The following GRM7 variants were observed in gnomAD, a reference collection of about 807,000 sequenced individuals.
GRM7 encodes glutamate metabotropic receptor 7, also known as metabotropic glutamate receptor 7.
In GRM7, 35 loss-of-function variants were observed where a neutral mutation model predicts 84.5. The ratio of observed to expected loss-of-function variants is 0.41; its 90% CI spans 0.32 to 0.55. The LOEUF (loss-of-function observed/expected upper bound fraction) is 0.55. Ranked by LOEUF, GRM7 falls within the 20% of genes least tolerant of loss-of-function variation. GRM7 has a pLI of 0.19. For missense variants in GRM7, 1,003 were observed against 1,194.6 expected, an observed-to-expected ratio of 0.84 and a Z score of 2.36; for synonymous variants, 487 against 455.1, an observed-to-expected ratio of 1.07 and a Z score of -0.89.
intron 9 of GRM7, among the ~76,000 whole-genome samples, chr3:7,723,962 A>G (rs1250899450): frequency 6.6e-6 from 1 of 152,194 alleles, no homozygotes; most frequent in Non-Finnish European, 1.5e-5. Flanking sequence ...GTATCCATCC[A>G]CCATCTCCTA....
intron 8 of GRM7, among the ~76,000 whole-genome samples, chr3:7,646,625 G>T (rs1230353168): frequency 6.6e-6 from 1 of 152,144 alleles, no homozygotes; most frequent in Non-Finnish European, 1.5e-5. Context: ...TTTGTCAACA[G>T]CTTTTGCCTG....
chr3:7,336,717 A>C (rs573491029), intron 4 of GRM7, among the ~76,000 whole-genome samples: 1 of 152,176 alleles, frequency 6.6e-6, no homozygotes, highest in African/African-American at 2.4e-5. Context: ...AAATCAATGT[A>C]CACAAATCAG....
intron 7 of GRM7, among the ~76,000 whole-genome samples, chr3:7,558,345 T>C (rs1436030930): frequency 2.0e-5 from 3 of 147,284 alleles, no homozygotes; most frequent in Non-Finnish European, 4.5e-5. Context: ...TTTTTTGATA[T>C]ACTACGGTGA....
At chr3:6,889,210 G>A (rs1695831320) in intron 1 of GRM7, among the ~76,000 whole-genome samples, 1 of 152,036 alleles carries the variant, frequency 6.6e-6, no homozygotes, top group Non-Finnish European at 1.5e-5. Flanking sequence ...TTTCCTAATT[G>A]AATGCCCTTT....
intron 1 of GRM7, among the ~76,000 whole-genome samples, chr3:6,968,083 T>G (rs1693598441): frequency 6.6e-6 from 1 of 152,184 alleles, no homozygotes; most frequent in East Asian, 1.9e-4. Flanking sequence ...AAAACAAATG[T>G]ATTGTCTACA....
intron 1 of GRM7, among the ~76,000 whole-genome samples, chr3:6,899,393 C>G (rs776661113): frequency 5.1e-4 from 77 of 152,108 alleles, no homozygotes; most frequent in Non-Finnish European, 1.0e-3. Context: ...AATTGGACAA[C>G]TTTTGATAAA....
intron 1 of GRM7, among the ~76,000 whole-genome samples, chr3:6,991,950 G>A (rs761741064): frequency 1.3e-5 from 2 of 151,418 alleles, no homozygotes; most frequent in Non-Finnish European, 2.9e-5. Flanking sequence ...GCAGCTCCTT[G>A]CAACCAGTTT....
rs1360559209 is a variant in GRM7 at position 6,928,888 on chromosome 3, G to A, written c.519+66981G>A. Among the ~76,000 whole-genome samples the A allele has an allele frequency of 6.6e-6, 1 of 152,202 alleles. No homozygotes were observed. The highest frequency in any genetic ancestry group is 1.5e-5 in the Non-Finnish European group (1 of 68,038). On this transcript the variant is annotated intron_variant, in intron 1 of 9. Coordinates refer to ENST00000357716, the MANE Select transcript of GRM7 (RefSeq NM_000844.4). The surrounding 1 kb of genome is among the most constrained non-coding windows in gnomAD (Gnocchi z 4.5). ...ATTTGAACTGGTACATAAAATGCCA[G>A]TCATAGTGTTTTAAAGTGATTTTTC... is the stretch of plus-strand genomic sequence containing the variant.
intron 1 of GRM7, among the ~76,000 whole-genome samples, chr3:7,108,293 T>C (rs544452330): frequency 5.9e-5 from 9 of 152,176 alleles, no homozygotes; most frequent in East Asian, 1.9e-4. Flanking sequence ...AGAAGTTATA[T>C]GGTTGCGTGG....
chr3:7,102,037 C>T (rs1404494539), intron 1 of GRM7, among the ~76,000 whole-genome samples: 2 of 151,262 alleles, frequency 1.3e-5, no homozygotes, highest in African/African-American at 4.8e-5. Context: ...ATTATACATC[C>T]CATAATATAA....
chr3:7,228,962 A>G (rs959176900), intron 2 of GRM7, among the ~76,000 whole-genome samples: 3 of 152,170 alleles, frequency 2.0e-5, no homozygotes, highest in Non-Finnish European at 4.4e-5. Context: ...ATAGAAATGA[A>G]CGTGTGTTTT....
intron 7 of GRM7, among the ~76,000 whole-genome samples, chr3:7,550,567 C>CTG (rs1346206686): frequency 6.9e-5 from 7 of 101,966 alleles, no homozygotes; most frequent in African/African-American, 1.9e-4. Context: ...CTCTCTCTCT[C>CTG]TCTCTCTCTC....
intron 1 of GRM7, among the ~76,000 whole-genome samples, chr3:6,895,614 C>T (rs1056412148): frequency 6.6e-6 from 1 of 152,080 alleles, no homozygotes; most frequent in Admixed American, 6.6e-5. Flanking sequence ...ATACCAAAGA[C>T]CACAATTTTA....
chr3:7,011,332 C>T (rs141859356), intron 1 of GRM7, among the ~76,000 whole-genome samples: 2 of 152,164 alleles, frequency 1.3e-5, no homozygotes, highest in East Asian at 3.9e-4. Context: ...AAGAAAATAA[C>T]CTTTATTACC....
chr3:6,879,452 C>T (rs1695429291), intron 1 of GRM7, among the ~76,000 whole-genome samples: 1 of 152,080 alleles, frequency 6.6e-6, no homozygotes, highest in Non-Finnish European at 1.5e-5. Context: ...CACACTACAC[C>T]CTTACCTGTT....
At chr3:7,530,645 A>T (rs769222047) in intron 7 of GRM7, among the ~76,000 whole-genome samples, 1 of 152,108 alleles carries the variant, frequency 6.6e-6, no homozygotes, top group Non-Finnish European at 1.5e-5. Context: ...TCTAACTGGC[A>T]TGAGATGATA....
intron 9 of GRM7, among the ~76,000 whole-genome samples, chr3:7,715,308 A>G (rs1267191227): frequency 6.6e-6 from 1 of 152,132 alleles, no homozygotes; most frequent in Non-Finnish European, 1.5e-5. Flanking sequence ...AAAATAAAAA[A>G]TAAATGAATA....
chr3:7,715,189 G>C (rs1207766160), intron 9 of GRM7, among the ~76,000 whole-genome samples: 1 of 152,190 alleles, frequency 6.6e-6, no homozygotes, highest in African/African-American at 2.4e-5. Context: ...GCTGGGTGCA[G>C]TGGCTCACAC....
At chr3:7,264,192 C>T (rs1698547789) in intron 2 of GRM7, among the ~76,000 whole-genome samples, 1 of 152,170 alleles carries the variant, frequency 6.6e-6, no homozygotes, top group African/African-American at 2.4e-5. Context: ...TCAGGCCAGA[C>T]TGGTCCCGTC....
Sources: gnomAD v4.1 joint callset for allele counts (sites outside exome capture counted in the v4.1 genomes callset) on GRCh38, gnomAD v4.1.1 for gene constraint, Gnocchi (gnomAD v3.1) non-coding constraint, MANE v1.5 for transcripts, NCBI Gene and HGNC (gene_info 2026-07-23, HGNC 2026-07-21) for gene names.